Variants in ZNF654 observed in about 807,000 individuals in gnomAD.
ZNF654 encodes the protein melanoma-associated antigen.
In ZNF654, 19 loss-of-function variants were observed where a neutral mutation model predicts 95.3. The observed-to-expected ratio is 0.20, with a 90% CI of 0.14 to 0.29. The LOEUF (loss-of-function observed/expected upper bound fraction) is 0.29, where lower values mean the gene tolerates loss of function less well. Among genes scored for constraint, ZNF654 ranks in the 10% least tolerant of loss-of-function variants. The pLI is 1.00. For missense variants in ZNF654, 1,046 were observed against 1,341.0 expected (o/e 0.78, Z 3.44); for synonymous variants, 413 against 457.9 (o/e 0.90, Z 1.25).
intron 1 of ZNF654, among the ~76,000 whole-genome samples, chr3:88,064,597 A>G (rs1048711008): frequency 3.3e-5 from 5 of 152,166 alleles, no homozygotes; most frequent in African/African-American, 1.2e-4. Flanking sequence ...TCAAGCACAC[A>G]TGAGCTTGTT....
At position 88,113,105 on chromosome 3, in the gene ZNF654, T is replaced by C. The variant is rs1449990977; in HGVS notation, c.333-10T>C. 3.3e-6 allele frequency: 5 copies of C among 1,519,492 alleles called. No homozygotes were observed. The highest frequency in any genetic ancestry group is 2.5e-5 in the East Asian group (1 of 40,654). 94.1% of individuals were successfully genotyped at this position (1,519,492 alleles called of 1,614,324 possible). A position where few individuals can be genotyped will look rare whatever the true frequency, so the allele number is the denominator to read the frequency against. On this transcript the variant is annotated splice_polypyrimidine_tract_variant and intron_variant, in intron 2 of 8. Transcript: ENST00000636215. ...AGAAGCAATGAAAGTTATTCACTTA[T>C]TCTTTCTAGGAGTTTCTTTGAGTTG...
intron 1 of ZNF654, among the ~76,000 whole-genome samples, chr3:88,066,736 C>A (rs1230581979): frequency 6.6e-6 from 1 of 152,096 alleles, no homozygotes; most frequent in Non-Finnish European, 1.5e-5. Flanking sequence ...TTGTTACTGG[C>A]ACTGAATTTT....
chr3:88,112,771 G>C (rs1379106540), intron 2 of ZNF654, among the ~76,000 whole-genome samples: 6 of 151,916 alleles, frequency 3.9e-5, no homozygotes, highest in Admixed American at 2.6e-4. Context: ...GGTGAAGCTG[G>C]ACTTTGGGTT....
intron 6 of ZNF654, among the ~76,000 whole-genome samples, chr3:88,131,732 T>C (rs912073072): frequency 7.9e-5 from 12 of 152,264 alleles, no homozygotes; most frequent in Middle Eastern, 3.4e-3. Flanking sequence ...ATAGCGTGGG[T>C]TATGATGGCC....
In ZNF654 at chr3:88,065,923, C is replaced by T. The variant is rs1289638029; in HGVS notation, c.186+6418C>T. On this transcript the variant is annotated intron_variant, in intron 1 of 8. Transcript: ENST00000636215. ...TAAATTTTTGTAGTTTTAGTAGAGA[C>T]GAGGTTTTACCATGATCTGCAGGCT... Among the ~76,000 whole-genome samples, 8 of 152,172 alleles carry T rather than the reference C, an allele frequency of 5.3e-5. No homozygotes were observed. The South Asian group carries it at 8.3e-4, about 16-fold the overall frequency.
At chr3:88,076,720 A>C (rs1707824378) in intron 1 of ZNF654, among the ~76,000 whole-genome samples, 1 of 152,224 alleles carries the variant, frequency 6.6e-6, no homozygotes, top group South Asian at 2.1e-4. Context: ...TCCATGCACC[A>C]ATTTTAATAT....
chr3:88,067,725 G>A (rs1283846421), intron 1 of ZNF654, among the ~76,000 whole-genome samples: 1 of 152,206 alleles, frequency 6.6e-6, no homozygotes, highest in Non-Finnish European at 1.5e-5. Context: ...TCTAAACAGA[G>A]CTGTTTTGGT....
intron 1 of ZNF654, among the ~76,000 whole-genome samples, chr3:88,067,515 G>A (rs116061313): frequency 1.6e-4 from 25 of 152,300 alleles, no homozygotes; most frequent in African/African-American, 5.8e-4. Flanking sequence ...AGCTTGAGGA[G>A]CCTCAAAATT....
At chr3:88,104,359 A>G (rs1025449609) in intron 2 of ZNF654, among the ~76,000 whole-genome samples, 1 of 152,228 alleles carries the variant, frequency 6.6e-6, no homozygotes, top group Non-Finnish European at 1.5e-5. Flanking sequence ...TAGATATTTT[A>G]GACTCATGGA....
At chr3:88,104,304 C>T (rs1704607110) in intron 2 of ZNF654, among the ~76,000 whole-genome samples, 1 of 152,112 alleles carries the variant, frequency 6.6e-6, no homozygotes, top group South Asian at 2.1e-4. Flanking sequence ...TAAAACATAA[C>T]TGATCATCTA....
chr3:88,122,038 T>C (rs953190911), intron 3 of ZNF654, among the ~76,000 whole-genome samples: 2 of 152,202 alleles, frequency 1.3e-5, no homozygotes, highest in Non-Finnish European at 2.9e-5. Context: ...ACACTTAAGA[T>C]AGTAATGCAA....
intron 7 of ZNF654, among the ~76,000 whole-genome samples, chr3:88,137,060 T>G (rs1190170303): frequency 6.6e-6 from 1 of 151,980 alleles, no homozygotes; most frequent in Non-Finnish European, 1.5e-5. Context: ...CCAAGTGTGG[T>G]GGCTCACGCC....
At chr3:88,076,278 C>G (rs140547951) in intron 1 of ZNF654, among the ~76,000 whole-genome samples, 41 of 152,296 alleles carry the variant, frequency 2.7e-4, no homozygotes, top group African/African-American at 9.1e-4. Context: ...CTGGTTCACT[C>G]TTGACATTTC....
At chr3:88,137,573 C>T (rs956538980) in intron 7 of ZNF654, among the ~76,000 whole-genome samples, 1 of 151,784 alleles carries the variant, frequency 6.6e-6, no homozygotes, top group African/African-American at 2.4e-5. Flanking sequence ...ATTTATAAAA[C>T]AAAATTGAAA....
rs57459670 is a variant in ZNF654, at chr3:88,140,319, A to G, written c.2650A>G (p.Ile884Val). 9 of 1,613,754 alleles carry G rather than the reference A, an allele frequency of 5.6e-6. No individual in the cohort carries two copies. The East Asian group carries it at 1.3e-4, about 24-fold the overall frequency. The change falls in exon 8 of 9, where the codon ATT becomes GTT. Residue 884 changes from isoleucine to valine, a missense_variant. Transcript: ENST00000636215. Reference protein sequence around the residue: ...PESSAQPSETILWDVQTDSNP... With the variant: ...PESSAQPSETVLWDVQTDSNP... ...GTCATCTGCACAACCAAGTGAAACA[A>G]TTCTTTGGGATGTTCAGACAGACTC... is the stretch of plus-strand genomic sequence containing the variant.
At chr3:88,136,224 A>G (rs1183623969) in intron 7 of ZNF654, among the ~76,000 whole-genome samples, 1 of 152,206 alleles carries the variant, frequency 6.6e-6, no homozygotes, top group Non-Finnish European at 1.5e-5. Context: ...TCTTATTGGT[A>G]CCAAAAATTG....
chr3:88,062,086 T>C (rs189984727), intron 1 of ZNF654, among the ~76,000 whole-genome samples: 2 of 152,166 alleles, frequency 1.3e-5, no homozygotes, highest in Admixed American at 1.3e-4. Flanking sequence ...GTTAATAATA[T>C]TGGACTGGCC....
chr3:88,088,504 T>C (rs931237054), intron 2 of ZNF654, among the ~76,000 whole-genome samples: 1 of 152,054 alleles, frequency 6.6e-6, no homozygotes, highest in African/African-American at 2.4e-5. Context: ...AAAAATGAAT[T>C]TGAAATTAAG....
Position 88,135,214 on chromosome 3 carries a change from A to G in ZNF654, c.1035+12A>G. On this transcript the variant is annotated intron_variant, in intron 7 of 8. Coordinates refer to ENST00000636215, the MANE Select transcript of ZNF654 (RefSeq NM_001350134.2). ...TCATCAAAGATGAGGTAAATAGGAT[A>G]TATTTGTCCCTTAAATTTAAAATTG... The G allele has an allele frequency of 8.3e-6, 12 of 1,437,364 alleles. No individual in the cohort carries two copies. Among genetic ancestry groups the G allele is most frequent in the South Asian group, 1.5e-5 (1 of 67,360 alleles). 89.0% of individuals were successfully genotyped at this position (1,437,364 alleles called of 1,614,324 possible).
Sources: gnomAD v4.1 joint callset for allele counts (sites outside exome capture counted in the v4.1 genomes callset) on GRCh38, gnomAD v4.1.1 for gene constraint, MANE v1.5 for transcripts, NCBI Gene and HGNC (gene_info 2026-07-23, HGNC 2026-07-21) for gene names.